The following PARVA variants were observed in gnomAD, a reference collection of about 807,000 sequenced individuals.
PARVA encodes parvin alpha.
PARVA carries 25 observed loss-of-function variants against 52.6 expected under a neutral mutation model. That is an observed-to-expected ratio of 0.48 (90% CI 0.35 to 0.66). The LOEUF (loss-of-function observed/expected upper bound fraction) is 0.66. PARVA is among the 30% of genes least tolerant of loss of function. PARVA has a pLI of 0.01. For synonymous variants in PARVA, 185 were observed against 179.1 expected (o/e 1.03, Z -0.26); for missense variants, 373 against 450.9 (o/e 0.83, Z 1.56).
chr11:12,455,315 C>T (rs1940680573), intron 1 of PARVA, among the ~76,000 whole-genome samples: 1 of 152,174 alleles, frequency 6.6e-6, no homozygotes, highest in South Asian at 2.1e-4. Flanking sequence ...TTTGACCAGC[C>T]AGAGATACAT....
At chr11:12,491,975 C>G (rs1941239646) in intron 4 of PARVA, among the ~76,000 whole-genome samples, 1 of 152,150 alleles carries the variant, frequency 6.6e-6, no homozygotes, top group Non-Finnish European at 1.5e-5. Context: ...TCTCTGACTA[C>G]AATGCAAGTT....
At chr11:12,403,060 A>T (rs145770985) in intron 1 of PARVA, among the ~76,000 whole-genome samples, 45 of 152,240 alleles carry the variant, frequency 3.0e-4, no homozygotes, top group African/African-American at 1.1e-3. Flanking sequence ...CTGCTGGCAC[A>T]TGCCTCGCTG....
At chr11:12,507,055 T>C (rs1040795869) in intron 6 of PARVA, among the ~76,000 whole-genome samples, 2 of 33,786 alleles carry the variant, frequency 5.9e-5, no homozygotes, top group Admixed American at 5.3e-4. Flanking sequence ...CTTTAAATGA[T>C]AGATTTTTTT....
At chr11:12,445,663 G>C (rs1236614776) in intron 1 of PARVA, among the ~76,000 whole-genome samples, 1 of 152,140 alleles carries the variant, frequency 6.6e-6, no homozygotes, top group Non-Finnish European at 1.5e-5. Context: ...CTCAGGACTT[G>C]GGTGACATTG....
chr11:12,377,407 G>A, upstream of PARVA: 1 of 1,362,590 alleles, frequency 7.3e-7, no homozygotes, highest in Non-Finnish European at 9.4e-7. Context: ...CCTGCTTGGG[G>A]CAACCCAGGG....
At chr11:12,451,367 G>A (rs773064779) in intron 1 of PARVA, among the ~76,000 whole-genome samples, 6 of 152,072 alleles carry the variant, frequency 3.9e-5, no homozygotes, top group Non-Finnish European at 7.4e-5. Flanking sequence ...GCTCTCAGAG[G>A]AGGGAAGGGT....
At chr11:12,455,542 A>C (rs1940683544) in intron 1 of PARVA, among the ~76,000 whole-genome samples, 1 of 152,040 alleles carries the variant, frequency 6.6e-6, no homozygotes, top group African/African-American at 2.4e-5. Context: ...GTCCTTGGCC[A>C]TTGGAAGCCT....
chr11:12,501,254 TC>T (rs968120980), intron 5 of PARVA, among the ~76,000 whole-genome samples: 5 of 152,100 alleles, frequency 3.3e-5, no homozygotes, highest in African/African-American at 1.2e-4. Flanking sequence ...TATGCATATA[TC>T]CATAAATGTA....
rs982283816 is a variant in PARVA at position 12,527,984 on chromosome 11, C to T, written c.*59C>T. On this transcript the variant is annotated 3_prime_UTR_variant, in exon 13 of 13. Coordinates refer to ENST00000334956, the MANE Select transcript of PARVA (RefSeq NM_018222.5). The stretch of plus-strand genomic sequence containing the variant: ...TCTTGCTGTTGGCGTACTGGACCCT[C>T]CTCCGAACTGCCTTACCCTGCTTAT... 1.3e-5 allele frequency: 16 copies of T among 1,193,730 alleles called. No individual in the cohort carries two copies. The highest frequency in any genetic ancestry group is 8.4e-5 in the Admixed American group (5 of 59,504). 73.9% of individuals were successfully genotyped at this position (1,193,730 alleles called of 1,614,324 possible).
At chr11:12,478,708 A>G (rs1941047165) in intron 4 of PARVA, 1 of 153,738 alleles carries the variant, frequency 6.5e-6, no homozygotes, top group African/African-American at 2.4e-5. Flanking sequence ...GTATACAGGG[A>G]TCAGCAAGAC....
intron 4 of PARVA, among the ~76,000 whole-genome samples, chr11:12,486,389 C>T (rs1273208583): frequency 1.3e-5 from 2 of 151,676 alleles, no homozygotes; most frequent in African/African-American, 2.4e-5. Flanking sequence ...CAAAATTAGC[C>T]AGGCATGGTG....
chr11:12,525,409 G>T (rs1372906750), intron 12 of PARVA, among the ~76,000 whole-genome samples: 6 of 152,102 alleles, frequency 3.9e-5, no homozygotes, highest in African/African-American at 1.4e-4. Flanking sequence ...GTTTGGAAAG[G>T]GTAAGGGGAG....
At chr11:12,514,153 CT>C in intron 10 of PARVA, 88 bp downstream of exon 10, 1 of 967,488 alleles carries the variant, frequency 1.0e-6, no homozygotes. Context: ...GCCAGGAGGG[CT>C]TTCCCAGCTG....
chr11:12,452,050 C>G (rs898364473), intron 1 of PARVA, among the ~76,000 whole-genome samples: 1 of 151,868 alleles, frequency 6.6e-6, no homozygotes, highest in Non-Finnish European at 1.5e-5. Context: ...CTCCTGCCAC[C>G]ACCACCCTGC....
rs1419091589 is a variant in PARVA, at chr11:12,524,108, G to A, written c.1043-3741G>A. 3.3e-5 allele frequency among the ~76,000 whole-genome samples: 5 copies of A among 152,210 alleles called. No individual in the cohort carries two copies. The South Asian group carries it at 6.2e-4, about 19-fold the overall frequency. The stretch of plus-strand genomic sequence containing the variant: ...TGAAGAAGCAACTCAGTTTTCCAAG[G>A]AGCAGGGCTTAGTCCACGTGAATGA... On this transcript the variant is annotated intron_variant, in intron 12 of 12. Transcript: ENST00000334956.
intron 1 of PARVA, among the ~76,000 whole-genome samples, chr11:12,467,888 C>T (rs529560972): frequency 1.4e-4 from 22 of 152,270 alleles, no homozygotes; most frequent in South Asian, 8.3e-4. Flanking sequence ...TCTGGAACCC[C>T]GCCCTACTTA....
rs116161394 is a variant in PARVA at position 12,488,564 on chromosome 11, G to A, written c.401-7894G>A. Among the ~76,000 whole-genome samples the A allele has an allele frequency of 2.8e-3, 429 of 152,232 alleles. 1 individual carries two copies. Among genetic ancestry groups the A allele is most frequent in the African/African-American group, 9.6e-3 (399 of 41,538 alleles). On this transcript the variant is annotated intron_variant, in intron 4 of 12. Coordinates refer to ENST00000334956, the MANE Select transcript of PARVA (RefSeq NM_018222.5). ...CTGAGCAAGAAAGAGGGTTGGATTCGAGCCCCCTGAATAGAGCCATGGTCT... is the reference window on the plus strand; with the variant it reads ...CTGAGCAAGAAAGAGGGTTGGATTCAAGCCCCCTGAATAGAGCCATGGTCT...
At chr11:12,462,603 T>C (rs1940799056) in intron 1 of PARVA, among the ~76,000 whole-genome samples, 1 of 152,204 alleles carries the variant, frequency 6.6e-6, no homozygotes, top group Non-Finnish European at 1.5e-5. Flanking sequence ...ATTTGTATTG[T>C]GTTATGCCGC....
At chr11:12,443,629 G>T (rs183049732) in intron 1 of PARVA, among the ~76,000 whole-genome samples, 4 of 152,288 alleles carry the variant, frequency 2.6e-5, no homozygotes, top group African/African-American at 9.6e-5. Context: ...ATTCATTCAT[G>T]CTTTTATTTT....
Sources: gnomAD v4.1 joint callset for allele counts (sites outside exome capture counted in the v4.1 genomes callset) on GRCh38, gnomAD v4.1.1 for gene constraint, MANE v1.5 for transcripts, NCBI Gene and HGNC (gene_info 2026-07-23, HGNC 2026-07-21) for gene names.